Variants in DPP10 observed in about 807,000 individuals in gnomAD.
The protein encoded by DPP10 is inactive dipeptidyl peptidase 10.
In DPP10, 33 loss-of-function variants were observed where a neutral mutation model predicts 120.9. The ratio of observed to expected loss-of-function variants is 0.27; its 90% confidence interval spans 0.21 to 0.37. DPP10 has a LOEUF of 0.37. Ranked by LOEUF, DPP10 falls within the 10% of genes least tolerant of loss-of-function variation. The pLI is 1.00. For synonymous variants in DPP10, 337 were observed against 326.1 expected (o/e 1.03, Z -0.36); for missense variants, 816 against 942.8 (o/e 0.87, Z 1.76).
chr2:115,549,206 T>C (rs1307648043), intron 5 of DPP10, among the ~76,000 whole-genome samples: 3 of 152,170 alleles, frequency 2.0e-5, no homozygotes, highest in Non-Finnish European at 4.4e-5. Context: ...TGTTAAATAA[T>C]GTACAAACTA....
At chr2:115,653,130 G>T (rs900321177) in intron 5 of DPP10, among the ~76,000 whole-genome samples, 4 of 151,850 alleles carry the variant, frequency 2.6e-5, no homozygotes, top group African/African-American at 7.3e-5. Context: ...ATTAGAGGTG[G>T]ATATACAAAA....
chr2:115,790,521 T>C (rs898115069), intron 17 of DPP10, among the ~76,000 whole-genome samples: 1 of 152,230 alleles, frequency 6.6e-6, no homozygotes, highest in Non-Finnish European at 1.5e-5. Flanking sequence ...TTGCTATTTC[T>C]CTATTACTGT....
chr2:114,458,784 T>A, intron 1 of DPP10, among the ~76,000 whole-genome samples: 1 of 152,182 alleles, frequency 6.6e-6, no homozygotes, highest in East Asian at 1.9e-4. Flanking sequence ...TACTACTTTT[T>A]TTGAGGAGTC....
intron 1 of DPP10, among the ~76,000 whole-genome samples, chr2:114,560,238 GA>G (rs1456164007): frequency 2.0e-5 from 3 of 152,194 alleles, no homozygotes; most frequent in African/African-American, 7.2e-5. Flanking sequence ...AAGGAGGGCA[GA>G]GGGGCAGAGT....
chr2:114,976,423 T>C (rs529906436), intron 1 of DPP10, among the ~76,000 whole-genome samples: 9 of 152,350 alleles, frequency 5.9e-5, no homozygotes, highest in South Asian at 4.1e-4. Flanking sequence ...GAATTTATCA[T>C]TGGGCAGGTA....
intron 1 of DPP10, among the ~76,000 whole-genome samples, chr2:114,647,785 A>G (rs956204048): frequency 2.0e-5 from 3 of 150,572 alleles, no homozygotes; most frequent in African/African-American, 7.4e-5. Context: ...TGGAAACCCA[A>G]TTCATTAGTC....
At chr2:115,499,475 G>A (rs1230400459) in intron 3 of DPP10, 35 bp from the exon 4 acceptor site, 2 of 1,526,800 alleles carry the variant, frequency 1.3e-6, no homozygotes, top group Non-Finnish European at 1.8e-6. Flanking sequence ...TCTAGTCAAT[G>A]TATTTGTCAA....
intron 1 of DPP10, among the ~76,000 whole-genome samples, chr2:114,693,628 T>G (rs979390319): frequency 1.3e-5 from 2 of 152,040 alleles, no homozygotes; most frequent in African/African-American, 2.4e-5. Context: ...TTGGCCTGTC[T>G]TGCTAGGTTT....
At chr2:114,677,280 A>T (rs944003577) in intron 1 of DPP10, among the ~76,000 whole-genome samples, 3 of 152,116 alleles carry the variant, frequency 2.0e-5, no homozygotes, top group Non-Finnish European at 2.9e-5. Flanking sequence ...AGAAAAATCC[A>T]CAGTTGTGAT....
At chr2:114,817,163 C>T (rs1685704237) in intron 1 of DPP10, among the ~76,000 whole-genome samples, 1 of 152,192 alleles carries the variant, frequency 6.6e-6, no homozygotes, top group African/African-American at 2.4e-5. Flanking sequence ...ATGCCAATGG[C>T]ATGCCTTTGT....
intron 1 of DPP10, among the ~76,000 whole-genome samples, chr2:115,301,021 C>T (rs2061102913): frequency 6.6e-6 from 1 of 151,996 alleles, no homozygotes; most frequent in Non-Finnish European, 1.5e-5. Flanking sequence ...AAGATTTTCT[C>T]AGGCATTTTC....
intron 1 of DPP10, among the ~76,000 whole-genome samples, chr2:115,133,082 G>A (rs939279366): frequency 2.1e-5 from 3 of 141,566 alleles, no homozygotes; most frequent in Non-Finnish European, 3.0e-5. Context: ...TCTTAACAGA[G>A]CAAAATCTCC....
intron 3 of DPP10, among the ~76,000 whole-genome samples, chr2:115,460,212 G>T (rs2073908310): frequency 1.3e-5 from 2 of 151,880 alleles, no homozygotes; most frequent in African/African-American, 4.8e-5. Context: ...AACTCTACCT[G>T]GTGTCCACAT....
At chr2:115,028,381 A>G (rs1368549959) in intron 1 of DPP10, among the ~76,000 whole-genome samples, 1 of 151,860 alleles carries the variant, frequency 6.6e-6, no homozygotes, top group Non-Finnish European at 1.5e-5. Flanking sequence ...TTGACTTTTT[A>G]TGTGTTTCTG....
chr2:115,039,155 C>A (rs904673072), intron 1 of DPP10, among the ~76,000 whole-genome samples: 1 of 151,928 alleles, frequency 6.6e-6, no homozygotes, highest in Non-Finnish European at 1.5e-5. Flanking sequence ...GTGTAGGGAA[C>A]TTAACATTTC....
chr2:114,870,841 G>A (rs1159221899), intron 1 of DPP10, among the ~76,000 whole-genome samples: 1 of 135,556 alleles, frequency 7.4e-6, no homozygotes, highest in African/African-American at 2.6e-5. Flanking sequence ...ACGTCCATCG[G>A]GATCTTTTCA....
chr2:114,491,123 A>G (rs184024757), intron 1 of DPP10, among the ~76,000 whole-genome samples: 45 of 152,282 alleles, frequency 3.0e-4, no homozygotes, highest in Admixed American at 2.6e-3. Context: ...AAGGAAACCA[A>G]TTATACCTGA....
chr2:114,852,197 AC>A (rs1175301454), intron 1 of DPP10, among the ~76,000 whole-genome samples: 11 of 119,756 alleles, frequency 9.2e-5, no homozygotes, highest in Non-Finnish European at 1.8e-4. Flanking sequence ...CTTGCCTACA[AC>A]CCTAGTCTCT....
intron 1 of DPP10, among the ~76,000 whole-genome samples, chr2:114,488,087 G>A (rs1681664552): frequency 6.6e-6 from 1 of 152,170 alleles, no homozygotes; most frequent in Admixed American, 6.5e-5. Flanking sequence ...GTGTTCGAAT[G>A]TAATTTCAAC....
Sources: allele counts gnomAD v4.1 joint callset (sites outside exome capture counted in the v4.1 genomes callset), GRCh38; gene constraint gnomAD v4.1.1; transcripts MANE v1.5; gene names NCBI Gene and HGNC (gene_info 2026-07-23, HGNC 2026-07-21).